Variants in ECE2 observed in about 807,000 individuals in gnomAD.
ECE2 encodes endothelin-converting enzyme 2.
A neutral mutation model predicts 100.6 loss-of-function variants in ECE2; 81 were observed. The ratio of observed to expected loss-of-function variants is 0.81; its 90% confidence interval spans 0.67 to 0.97. The LOEUF is 0.97. Ranked by LOEUF, ECE2 falls within the 50% of genes least tolerant of loss-of-function variation. ECE2 has a pLI of 0.00. For synonymous variants in ECE2, 391 were observed against 391.5 expected (o/e 1.00, Z 0.02); for missense variants, 911 against 988.1 (o/e 0.92, Z 1.05).
intron 2 of ECE2, 143 bp downstream of exon 2, chr3:184,276,710 G>A (rs1254755723): frequency 1.9e-6 from 3 of 1,538,806 alleles, no homozygotes; most frequent in East Asian, 2.3e-5. Context: ...ACTATGGTGA[G>A]GCGATGCTAA....
chr3:184,289,303 T>G lies in ECE2; in HGVS notation c.1375-134T>G. ...GTGTTTCCTTCTCATCGTCTCCAGG[T>G]GCTCAGCCGTATTTCTTTAGTCTAG... is the stretch of plus-strand genomic sequence containing the variant. On this transcript the variant is annotated intron_variant, in intron 11 of 18. Coordinates refer to ENST00000404464, the MANE Select transcript of ECE2 (RefSeq NM_001100121.2). The surrounding 1 kb of genome is among the most constrained non-coding windows in gnomAD (Gnocchi z 4.1). 1.4e-6 allele frequency: 1 copy of G among 737,910 alleles called. No individual in the cohort carries two copies. The highest frequency in any genetic ancestry group is 2.3e-6 in the Non-Finnish European group (1 of 440,668). 45.7% of individuals were successfully genotyped at this position (737,910 alleles called of 1,614,324 possible).
chr3:184,282,547 C>G (rs1215890284), intron 7 of ECE2, among the ~76,000 whole-genome samples: 1 of 152,224 alleles, frequency 6.6e-6, no homozygotes, highest in Non-Finnish European at 1.5e-5. Context: ...CTGTGGCAGA[C>G]AGCTGCGCTT....
At position 184,278,512 on chromosome 3, in the gene ECE2, T is replaced by C. The variant is rs755029992; in HGVS notation, c.771T>C (p.Phe257=). The C allele has an allele frequency of 5.0e-6, 8 of 1,613,964 alleles. No homozygotes were observed. The highest frequency in any genetic ancestry group is 1.1e-5 in the South Asian group (1 of 91,080). ...NVIQVDQSGL[F]LPSRDYYLNR... Reference sequence around the variant, plus strand: ...TGCAGGTGGACCAGTCTGGGCTCTTTCTGCCCTCTCGGGATTACTACTTAA... The same window carrying C: ...TGCAGGTGGACCAGTCTGGGCTCTTCCTGCCCTCTCGGGATTACTACTTAA... The change falls in exon 7 of 19, where the codon TTT becomes TTC. Residue 257 remains phenylalanine, a synonymous_variant. Transcript: ENST00000404464.
At position 184,292,379 on chromosome 3, in the gene ECE2, C is replaced by A. The variant is rs535407350; in HGVS notation, c.*141C>A. ...CTCCCCCCCACAGGTGACATGAGTA[C>A]AGACCCTCCTCAATCACCACATTGT... On this transcript the variant is annotated 3_prime_UTR_variant, in exon 19 of 19. Coordinates refer to ENST00000404464, the MANE Select transcript of ECE2 (RefSeq NM_001100121.2). 12 of 928,794 alleles carry A rather than the reference C, an allele frequency of 1.3e-5. No homozygotes were observed. The highest frequency in any genetic ancestry group is 1.2e-4 in the South Asian group (7 of 59,284). The allele number at this position is 928,794 out of a possible 1,614,324, so 57.5% of individuals were successfully genotyped here.
At chr3:184,290,756 C>T (rs371706733) in intron 15 of ECE2, 37 bp from the exon 16 acceptor site, 13 of 1,613,440 alleles carry the variant, frequency 8.1e-6, no homozygotes, top group Non-Finnish European at 1.1e-5. Context: ...CAGAAGTACC[C>T]CCGCCATGTC....
intron 11 of ECE2, 44 bp downstream of exon 11, chr3:184,287,991 C>T (rs771665492): frequency 1.3e-6 from 2 of 1,572,698 alleles, no homozygotes; most frequent in East Asian, 4.5e-5. Flanking sequence ...TCAAAATTGA[C>T]TGTTCATGTA....
Position 184,292,407 on chromosome 3 carries a change from C to A in ECE2, c.*169C>A. On this transcript the variant is annotated 3_prime_UTR_variant, in exon 19 of 19. Coordinates refer to ENST00000404464, the MANE Select transcript of ECE2 (RefSeq NM_001100121.2). ...ACCCTCCTCAATCACCACATTGTGCCTCTGCTTTGGGGGTGCCCCTGCCTC... is the reference window on the plus strand; with the variant it reads ...ACCCTCCTCAATCACCACATTGTGCATCTGCTTTGGGGGTGCCCCTGCCTC... The A allele has an allele frequency of 1.3e-6, 1 of 746,032 alleles. No individual in the cohort carries two copies. Among genetic ancestry groups the A allele is most frequent in the Non-Finnish European group, 2.2e-6 (1 of 463,812 alleles). The allele number at this position is 746,032 out of a possible 1,614,324, so 46.2% of individuals were successfully genotyped here. A position where few individuals can be genotyped will look rare whatever the true frequency, so the allele number is the denominator to read the frequency against.
At position 184,285,358 on chromosome 3, in the gene ECE2, G is replaced by A. The variant is rs2280741; in HGVS notation, c.1149-120G>A. The stretch of plus-strand genomic sequence containing the variant: ...GGCCCCGGGACCAAAGAGGAACCCC[G>A]GGACAGCTTCCACATATGCCTCTCG... On this transcript the variant is annotated intron_variant, in intron 9 of 18. Coordinates refer to ENST00000404464, the MANE Select transcript of ECE2 (RefSeq NM_001100121.2). 3.5e-4 allele frequency: 326 copies of A among 928,502 alleles called. 2 individuals are homozygous for A. In the East Asian group the frequency reaches 7.2e-3, roughly 20 times the overall value. The allele number at this position is 928,502 out of a possible 1,614,324, so 57.5% of individuals were successfully genotyped here.
rs1384614067 is a variant in ECE2 at position 184,284,993 on chromosome 3, T to G, written c.1036T>G (p.Phe346Val). The G allele has an allele frequency of 4.3e-6, 7 of 1,613,964 alleles. No homozygotes were observed. Among genetic ancestry groups the G allele is most frequent in the Non-Finnish European group, 2.5e-6 (3 of 1,180,010 alleles). The stretch of plus-strand genomic sequence containing the variant: ...GGCGCCCTCCATGGACTGGCTTGAG[T>G]TCCTGTCTTTCTTGCTGTCACCATT... ...ALAPSMDWLE[F>V]LSFLLSPLEL... The change falls in exon 9 of 19, where the codon TTC (phenylalanine) becomes GTC (valine). Residue 346 changes from phenylalanine (F) to valine (V), a missense_variant. Physicochemically the swap from Phe to Val is conservative, Grantham distance 50. Coordinates refer to ENST00000404464, the MANE Select transcript of ECE2 (RefSeq NM_001100121.2).
At position 184,285,358 on chromosome 3, in the gene ECE2, G is replaced by C. The variant is rs2280741; in HGVS notation, c.1149-120G>C. ...GGCCCCGGGACCAAAGAGGAACCCC[G>C]GGACAGCTTCCACATATGCCTCTCG... On this transcript the variant is annotated intron_variant, in intron 9 of 18. Coordinates refer to ENST00000404464, the MANE Select transcript of ECE2 (RefSeq NM_001100121.2). 5.5e-5 allele frequency: 51 copies of C among 928,384 alleles called. No individual in the cohort carries two copies. The South Asian group carries it at 7.8e-4, about 14-fold the overall frequency. 57.5% of individuals were successfully genotyped at this position (928,384 alleles called of 1,614,324 possible).
Position 184,292,078 on chromosome 3 carries a change from G to A in ECE2, c.2138G>A (p.Arg713His), listed in dbSNP as rs767513792. The change falls in exon 19 of 19, where the codon CGC becomes CAC. Residue 713 changes from arginine to histidine, a missense_variant. By Grantham distance (29) the Arg-to-His change is conservative. Transcript: ENST00000404464. ...VGFAQVWCSV[R>H]TPESSHEGLV... ...GGCCCGCAGGTGTGGTGCTCGGTCC[G>A]CACACCAGAGAGCTCTCACGAGGGG... 2.9e-5 allele frequency: 46 copies of A among 1,613,478 alleles called. No homozygotes were observed. The highest frequency in any genetic ancestry group is 4.5e-5 in the East Asian group (2 of 44,876).
chr3:184,289,477 A>T lies in ECE2; in HGVS notation c.1415A>T (p.Glu472Val). ...AGCGAAATCCGGACCGCATTTGAGG[A>T]GGCCCTGGGACAGCTGGTTTGGATG... ...MISEIRTAFEEALGQLVWMDE... is the reference protein window; with the variant it reads ...MISEIRTAFEVALGQLVWMDE... Residue 472 changes from glutamate to valine, a missense_variant, in exon 12 of 19, where the codon GAG (glutamate) becomes GTG (valine). Coordinates refer to ENST00000404464, the MANE Select transcript of ECE2 (RefSeq NM_001100121.2). The surrounding 1 kb of genome is among the most constrained non-coding windows in gnomAD (Gnocchi z 4.1). 6.2e-7 allele frequency: 1 copy of T among 1,611,886 alleles called. No homozygotes were observed. The highest frequency in any genetic ancestry group is 1.1e-5 in the South Asian group (1 of 90,598).
intron 7 of ECE2, chr3:184,278,762 T>A: frequency 1.6e-6 from 1 of 606,568 alleles, no homozygotes; most frequent in African/African-American, 1.9e-5. Context: ...CTCTTATTCT[T>A]CTAGTAGGTT....
At position 184,291,388 on chromosome 3, in the gene ECE2, G is replaced by T; in HGVS notation, c.2070G>T (p.Leu690=). The T allele has an allele frequency of 6.2e-7, 1 of 1,608,394 alleles. No homozygotes were observed. Among genetic ancestry groups the T allele is most frequent in the East Asian group, 2.2e-5 (1 of 44,864 alleles). ...WLRKHGEEQQ[L]PAVGLTNHQL... ...GAAAGCATGGGGAGGAGCAGCAACT[G>T]CCAGCCGTGGGGCTCACCAACCACC... Residue 690 remains leucine (L), a synonymous_variant, in exon 18 of 19, where the codon CTG becomes CTT. Transcript: ENST00000404464. This position sits in a 1 kb window ranked among gnomAD's most constrained non-coding sequence, Gnocchi z 4.1.
chr3:184,288,895 G>T (rs375493999), intron 11 of ECE2, among the ~76,000 whole-genome samples: 22 of 152,218 alleles, frequency 1.4e-4, no homozygotes, highest in African/African-American at 5.1e-4. Context: ...GGTGGTTCAC[G>T]CTTGTAATCC....
chr3:184,283,906 C>G lies in ECE2; in HGVS notation c.938C>G (p.Thr313Arg). The change falls in exon 8 of 19, where the codon ACA becomes AGA. Residue 313 changes from threonine to arginine, a missense_variant. By Grantham distance (71) the Thr-to-Arg change is moderately conservative (BLOSUM62 -1). Transcript: ENST00000404464. ...LELEIQLANI[T>R]VPQDQRRDEE... ...TTGGAGATACAGCTGGCCAACATCACAGTGCCCCAGGACCAGCGGCGCGAC... is the reference window on the plus strand; with the variant it reads ...TTGGAGATACAGCTGGCCAACATCAGAGTGCCCCAGGACCAGCGGCGCGAC... 6.2e-7 allele frequency: 1 copy of G among 1,613,984 alleles called. No individual in the cohort carries two copies. Among genetic ancestry groups the G allele is most frequent in the Non-Finnish European group, 8.5e-7 (1 of 1,180,014 alleles).
chr3:184,276,235 G>T, intron 1 of ECE2, 43 bp downstream of exon 1: 2 of 1,442,950 alleles, frequency 1.4e-6, no homozygotes, highest in East Asian at 2.5e-5. Context: ...ACTGGGTGGA[G>T]GGGGACGAGG....
rs1272049855 is a variant in ECE2, at chr3:184,292,098, G to A, written c.2158G>A (p.Glu720Lys). 7 of 1,613,970 alleles carry A rather than the reference G, an allele frequency of 4.3e-6. No individual in the cohort carries two copies. The highest frequency in any genetic ancestry group is 1.3e-5 in the African/African-American group (1 of 75,046). ...CSVRTPESSH[E>K]GLVTDPHSPA... ...GGTCCGCACACCAGAGAGCTCTCAC[G>A]AGGGGCTGGTGACCGACCCCCACAG... Residue 720 changes from glutamate (E) to lysine (K), a missense_variant, in exon 19 of 19, where the codon GAG becomes AAG. Transcript: ENST00000404464.
chr3:184,292,584 C>T lies in ECE2; in HGVS notation c.*346C>T. The T allele has an allele frequency of 3.0e-6, 1 of 338,346 alleles. No individual in the cohort carries two copies. Among genetic ancestry groups the T allele is most frequent in the East Asian group, 6.0e-5 (1 of 16,548 alleles). 21.0% of individuals were successfully genotyped at this position (338,346 alleles called of 1,614,324 possible). On this transcript the variant is annotated 3_prime_UTR_variant, in exon 19 of 19. Transcript: ENST00000404464. ...GCGGCCATGGGGCCTGCCGTGCCTG[C>T]CCCACTGTGACCCACAGGCCTGGGT...
Sources: allele counts gnomAD v4.1 joint callset (sites outside exome capture counted in the v4.1 genomes callset), GRCh38; gene constraint gnomAD v4.1.1; non-coding constraint Gnocchi (gnomAD v3.1); transcripts MANE v1.5; gene names NCBI Gene and HGNC (gene_info 2026-07-23, HGNC 2026-07-21).